TSHZ1: variants seen among roughly 807,000 people sequenced by gnomAD.
TSHZ1 encodes the protein teashirt homolog 1.
Under a neutral mutation model 67.1 loss-of-function variants are expected in TSHZ1, and 12 were observed. That is an observed-to-expected ratio of 0.18 (90% CI 0.11 to 0.29). The LOEUF is 0.29. Among genes scored for constraint, TSHZ1 ranks in the 10% least tolerant of loss-of-function variants. TSHZ1 has a pLI of 1.00. For synonymous variants in TSHZ1, 632 were observed against 622.4 expected, an observed-to-expected ratio of 1.02 and a Z score of -0.23; for missense variants, 1,305 against 1,413.9, an observed-to-expected ratio of 0.92 and a Z score of 1.23.
chr18:75,223,853 T>C (rs1008635882), intron 1 of TSHZ1, among the ~76,000 whole-genome samples: 3 of 151,936 alleles, frequency 2.0e-5, no homozygotes, highest in African/African-American at 7.3e-5. Flanking sequence ...TTATGGAGTG[T>C]TGGTACTAAT....
At chr18:75,234,566 T>TTC (rs2023042474) in intron 1 of TSHZ1, among the ~76,000 whole-genome samples, 1 of 152,052 alleles carries the variant, frequency 6.6e-6, no homozygotes, top group South Asian at 2.1e-4. Flanking sequence ...TTGCTAGGGC[T>TTC]TCTGCATGGT....
intron 1 of TSHZ1, among the ~76,000 whole-genome samples, chr18:75,276,658 G>A (rs1174743746): frequency 1.3e-5 from 2 of 152,160 alleles, no homozygotes; most frequent in Non-Finnish European, 2.9e-5. Flanking sequence ...TTGGCCCCTT[G>A]GAGTAAATGT....
chr18:75,260,993 G>T (rs1195829929), intron 1 of TSHZ1, among the ~76,000 whole-genome samples: 1 of 151,938 alleles, frequency 6.6e-6, no homozygotes, highest in Non-Finnish European at 1.5e-5. Context: ...TGTGGATCTC[G>T]GCCAGGAGGA....
intron 1 of TSHZ1, among the ~76,000 whole-genome samples, chr18:75,217,175 C>A (rs1465869958): frequency 6.6e-6 from 1 of 152,224 alleles, no homozygotes; most frequent in East Asian, 1.9e-4. Flanking sequence ...CAGGCCTCTG[C>A]AGAGGGCTGC....
At position 75,246,114 on chromosome 18, in the gene TSHZ1, G is replaced by T. The variant is rs536218482; in HGVS notation, c.40+34198G>T. 2.0e-5 allele frequency among the ~76,000 whole-genome samples: 3 copies of T among 152,326 alleles called. No homozygotes were observed. The East Asian group carries it at 5.8e-4, about 29-fold the overall frequency. On this transcript the variant is annotated intron_variant, in intron 1 of 1. Transcript: ENST00000580243. ...GATTCAACCAAGACCTGCGCTTCAC[G>T]TTTTGCTTCTTGAAAGCCAACATTT... is the stretch of plus-strand genomic sequence containing the variant.
In TSHZ1 at chr18:75,211,261, ACTC is replaced by A. The variant is rs1886372516; in HGVS notation, c.-612_-610del. 1 of 150,486 alleles carries A rather than the reference ACTC, an allele frequency of 6.6e-6. No individual in the cohort carries two copies. Among genetic ancestry groups the A allele is most frequent in the South Asian group, 2.1e-4 (1 of 4,754 alleles). The allele number at this position is 150,486 out of a possible 1,614,324, so 9.3% of individuals were successfully genotyped here. A position where few individuals can be genotyped will look rare whatever the true frequency, so the allele number is the denominator to read the frequency against. On this transcript the variant is annotated 5_prime_UTR_variant, in exon 1 of 2. Transcript: ENST00000580243. ...CGGCGCATGTATGTACGGGGGCTTC[ACTC>A]CTCTGTCTTGTTTGCTTTCTTCCTC...
At chr18:75,282,240 A>T (rs1361580786) in intron 1 of TSHZ1, among the ~76,000 whole-genome samples, 2 of 152,068 alleles carry the variant, frequency 1.3e-5, no homozygotes, top group East Asian at 1.9e-4. Context: ...GCCTGCTGGG[A>T]GCATGAGGGT....
intron 1 of TSHZ1, among the ~76,000 whole-genome samples, chr18:75,260,750 A>G (rs891524828): frequency 1.3e-5 from 2 of 152,140 alleles, no homozygotes; most frequent in African/African-American, 4.8e-5. Context: ...CCTTCAGTCA[A>G]CATTGATGTG....
chr18:75,287,186 G>A lies in TSHZ1; in HGVS notation c.1779G>A (p.Pro593=), dbSNP rs144178457. ...YQLPGTVKPL[P]AAVQSVQVQP... is the part of the protein sequence containing the mutation. Reference sequence around the variant, plus strand: ...TCCCGGGCACCGTGAAGCCACTGCCGGCGGCCGTGCAGAGCGTGCAGGTGC... The same window carrying A: ...TCCCGGGCACCGTGAAGCCACTGCCAGCGGCCGTGCAGAGCGTGCAGGTGC... The change falls in exon 2 of 2, where the codon CCG becomes CCA. Residue 593 remains proline, a synonymous_variant. Transcript: ENST00000580243. The surrounding 1 kb of genome is among the most constrained non-coding windows in gnomAD (Gnocchi z 5.0). 249 of 1,613,474 alleles carry A rather than the reference G, an allele frequency of 1.5e-4. No individual in the cohort carries two copies. Among genetic ancestry groups the A allele is most frequent in the Non-Finnish European group, 1.9e-4 (228 of 1,179,858 alleles).
rs1490834977 is a variant in TSHZ1, at chr18:75,287,136, C to T, written c.1729C>T (p.Pro577Ser). 3 of 1,614,064 alleles carry T rather than the reference C, an allele frequency of 1.9e-6. No individual in the cohort carries two copies. The highest frequency in any genetic ancestry group is 2.5e-6 in the Non-Finnish European group (3 of 1,180,018). ...QNGAPSWGGY[P>S]SIHAAYQLPG... The stretch of plus-strand genomic sequence containing the variant: ...TGGTGCGCCCTCATGGGGTGGCTAC[C>T]CCAGCATCCATGCAGCCTACCAGCT... Residue 577 changes from proline (P) to serine (S), a missense_variant, in exon 2 of 2, where the codon CCC (proline) becomes TCC (serine). Physicochemically the swap from Pro to Ser is moderately conservative, Grantham distance 74. Around this residue, in one of 3 missense-constraint regions of TSHZ1, gnomAD observed 909 missense variants for 961.8 expected, o/e 0.95. Transcript: ENST00000580243. This position sits in a 1 kb window ranked among gnomAD's most constrained non-coding sequence, Gnocchi z 5.0.
In TSHZ1 at chr18:75,286,836, C is replaced by G; in HGVS notation, c.1429C>G (p.Arg477Gly). The G allele has an allele frequency of 6.2e-7, 1 of 1,613,964 alleles. No homozygotes were observed. The highest frequency in any genetic ancestry group is 1.1e-5 in the South Asian group (1 of 91,074). Residue 477 changes from arginine (R) to glycine (G), a missense_variant, in exon 2 of 2, where the codon CGG (arginine) becomes GGG (glycine). Physicochemically the swap from Arg to Gly is moderately radical, Grantham distance 125 (BLOSUM62 -2). This residue lies in a region of TSHZ1 where 909 missense variants were observed against 961.8 expected (regional missense o/e 0.95). Transcript: ENST00000580243. This position sits in a 1 kb window ranked among gnomAD's most constrained non-coding sequence, Gnocchi z 5.1. Reference sequence around the variant, plus strand: ...CCCACTACCGCCCACCACCCACACGCGGCTGCCGGCCTCCAGCATCAAAAA... The same window carrying G: ...CCCACTACCGCCCACCACCCACACGGGGCTGCCGGCCTCCAGCATCAAAAA... ...SIPLPPTTHT[R>G]LPASSIKKQP... is the part of the protein sequence containing the mutation.
Position 75,230,975 on chromosome 18 carries a change from C to A in TSHZ1, c.40+19059C>A, listed in dbSNP as rs569868929. On this transcript the variant is annotated intron_variant, in intron 1 of 1. Coordinates refer to ENST00000580243, the MANE Select transcript of TSHZ1 (RefSeq NM_001308210.2). ...ATTTAAATAAGCCAGTTAAAAAAAA[C>A]CTGTCAGTTCCCTTGTGGGGAAAAA... 7.9e-5 allele frequency among the ~76,000 whole-genome samples: 12 copies of A among 152,328 alleles called. No homozygotes were observed. The South Asian group carries it at 1.5e-3, about 18-fold the overall frequency.
At chr18:75,213,749 TTGTC>T (rs1457600467) in intron 1 of TSHZ1, among the ~76,000 whole-genome samples, 1 of 152,232 alleles carries the variant, frequency 6.6e-6, no homozygotes, top group African/African-American at 2.4e-5. Flanking sequence ...ATTGATTTAA[TTGTC>T]TGTCTTTTGA....
At chr18:75,215,621 A>C (rs543237097) in intron 1 of TSHZ1, among the ~76,000 whole-genome samples, 21 of 152,324 alleles carry the variant, frequency 1.4e-4, no homozygotes, top group Non-Finnish European at 2.4e-4. Context: ...AGGAAGGCTA[A>C]ATGATGAACT....
chr18:75,288,800 G>A lies in TSHZ1; in HGVS notation c.*159G>A. The A allele has an allele frequency of 8.3e-7, 1 of 1,209,198 alleles. No individual in the cohort carries two copies. Among genetic ancestry groups the A allele is most frequent in the Non-Finnish European group, 1.1e-6 (1 of 897,320 alleles). 74.9% of individuals were successfully genotyped at this position (1,209,198 alleles called of 1,614,324 possible). A position where few individuals can be genotyped will look rare whatever the true frequency, so the allele number is the denominator to read the frequency against. ...TATTTTGTATATTTATATGCTCTCT[G>A]TCCGATCTGTGCATGTTATTTTTCT... On this transcript the variant is annotated 3_prime_UTR_variant, in exon 2 of 2. Coordinates refer to ENST00000580243, the MANE Select transcript of TSHZ1 (RefSeq NM_001308210.2). This position sits in a 1 kb window ranked among gnomAD's most constrained non-coding sequence, Gnocchi z 4.9.
chr18:75,245,458 G>C (rs751921295), intron 1 of TSHZ1: 5 of 152,142 alleles, frequency 3.3e-5, no homozygotes, highest in Non-Finnish European at 7.4e-5. Flanking sequence ...TTTTTAGTTT[G>C]TACGATGCTG....
intron 1 of TSHZ1, among the ~76,000 whole-genome samples, chr18:75,239,558 C>T (rs28496005): frequency 0.021 from 3,187 of 152,218 alleles, 81 homozygotes; most frequent in African/African-American, 0.058. Flanking sequence ...TGGAATGCAG[C>T]GGCACAATCA....
intron 1 of TSHZ1, among the ~76,000 whole-genome samples, chr18:75,228,079 C>T (rs2022948955): frequency 6.6e-6 from 1 of 152,240 alleles, no homozygotes; most frequent in East Asian, 1.9e-4. Flanking sequence ...ACTTGAGACA[C>T]AGCCAGGGGA....
At chr18:75,219,668 C>T (rs550783287) in intron 1 of TSHZ1, among the ~76,000 whole-genome samples, 1 of 152,232 alleles carries the variant, frequency 6.6e-6, no homozygotes, top group African/African-American at 2.4e-5. Flanking sequence ...GGGGAAAAAC[C>T]CCACAACAAC....
Sources: gnomAD v4.1 joint callset for allele counts (sites outside exome capture counted in the v4.1 genomes callset) on GRCh38, gnomAD v4.1.1 for gene constraint, gnomAD v4.1.1 regional missense constraint, Gnocchi (gnomAD v3.1) non-coding constraint, MANE v1.5 for transcripts, NCBI Gene and HGNC (gene_info 2026-07-23, HGNC 2026-07-21) for gene names.